AKT3: variants seen among roughly 807,000 people sequenced by gnomAD.
AKT3 encodes AKT serine/threonine kinase 3.
Under a neutral mutation model 65.3 loss-of-function variants are expected in AKT3, and 15 were observed. That is an observed-to-expected ratio of 0.23 (90% CI 0.15 to 0.35). The LOEUF (loss-of-function observed/expected upper bound fraction) is 0.35. Among genes scored for constraint, AKT3 ranks in the 10% least tolerant of loss-of-function variants. The pLI, the probability that AKT3 is intolerant of heterozygous loss-of-function variation, is 1.00. For missense variants in AKT3, 243 were observed against 576.5 expected (o/e 0.42, Z 5.92); for synonymous variants, 206 against 183.8 (o/e 1.12, Z -0.98).
chr1:243,584,230 C>T lies in AKT3; in HGVS notation c.697-11182G>A, dbSNP rs1449974779. Reference sequence around the variant, plus strand: ...AAATCTAGAGGAAATGGATAAATTCCTGGAAACACACAATTTACCAAGACT... The same window carrying T: ...AAATCTAGAGGAAATGGATAAATTCTTGGAAACACACAATTTACCAAGACT... On this transcript the variant is annotated intron_variant, in intron 8 of 13. Coordinates refer to ENST00000673466, the MANE Select transcript of AKT3 (RefSeq NM_005465.7). 2.0e-5 allele frequency among the ~76,000 whole-genome samples: 3 copies of T among 152,026 alleles called. No individual in the cohort carries two copies. In the East Asian group the frequency reaches 5.8e-4, roughly 29 times the overall value.
chr1:243,803,429 G>A (rs1358006031), intron 2 of AKT3, among the ~76,000 whole-genome samples: 1 of 151,968 alleles, frequency 6.6e-6, no homozygotes, highest in African/African-American at 2.4e-5. Context: ...TCATTTTTGT[G>A]AAGGACTTAA....
intron 2 of AKT3, among the ~76,000 whole-genome samples, chr1:243,780,850 C>T (rs1690864015): frequency 6.6e-6 from 1 of 151,684 alleles, no homozygotes; most frequent in African/African-American, 2.4e-5. Context: ...AATCCTTCCA[C>T]TGAGTGAAAA....
At chr1:243,615,836 T>A (rs1021771494) in intron 6 of AKT3, among the ~76,000 whole-genome samples, 1 of 151,968 alleles carries the variant, frequency 6.6e-6, no homozygotes, top group Non-Finnish European at 1.5e-5. Flanking sequence ...GACTCAAGCA[T>A]TACTCCTGCC....
At chr1:243,824,584 T>A (rs1039328101) in intron 2 of AKT3, among the ~76,000 whole-genome samples, 1 of 151,540 alleles carries the variant, frequency 6.6e-6, no homozygotes, top group Non-Finnish European at 1.5e-5. Context: ...CATTCGAAAG[T>A]GGGCAAAGAA....
intron 2 of AKT3, among the ~76,000 whole-genome samples, chr1:243,696,836 G>T (rs1685093131): frequency 6.6e-6 from 1 of 151,892 alleles, no homozygotes; most frequent in Non-Finnish European, 1.5e-5. Flanking sequence ...CCATCCTAAT[G>T]TATCTATCAC....
intron 1 of AKT3, chr1:243,843,627 G>T: frequency 5.6e-6 from 5 of 897,896 alleles, no homozygotes; most frequent in Non-Finnish European, 6.7e-6. Context: ...CTAAATCCCT[G>T]TAATTTCAGA....
chr1:243,678,752 GTC>G (rs1487832133), intron 3 of AKT3, among the ~76,000 whole-genome samples: 1 of 152,082 alleles, frequency 6.6e-6, no homozygotes, highest in African/African-American at 2.4e-5. Context: ...CTAAATTCAT[GTC>G]TCTTTTTGTA....
In AKT3 at chr1:243,595,040, C is replaced by G. The variant is rs889432119; in HGVS notation, c.696+18631G>C. ...ACTTAAAAAGTTTTAGAAGAAAATA[C>G]AGTCATGCACTGCTTAATGATGGGG... On this transcript the variant is annotated intron_variant, in intron 8 of 13. Coordinates refer to ENST00000673466, the MANE Select transcript of AKT3 (RefSeq NM_005465.7). 2.0e-5 allele frequency among the ~76,000 whole-genome samples: 3 copies of G among 152,268 alleles called. No individual in the cohort carries two copies. The East Asian group carries it at 5.8e-4, about 29-fold the overall frequency.
At chr1:243,690,132 G>C (rs1339154756) in intron 3 of AKT3, among the ~76,000 whole-genome samples, 7 of 152,024 alleles carry the variant, frequency 4.6e-5, no homozygotes. Context: ...TCTAGGAGAG[G>C]CTTCTTAGGA....
At chr1:243,804,907 C>A (rs73117446) in intron 2 of AKT3, among the ~76,000 whole-genome samples, 7,586 of 151,680 alleles carry the variant, frequency 0.05, 641 homozygotes, top group African/African-American at 0.17. Context: ...TCATGCTGTA[C>A]AATAACTGCA....
intron 2 of AKT3, among the ~76,000 whole-genome samples, chr1:243,823,347 T>C (rs1693973230): frequency 6.6e-6 from 1 of 152,110 alleles, no homozygotes; most frequent in Non-Finnish European, 1.5e-5. Context: ...TGGAAACATT[T>C]CCCTTGAAAA....
rs189059582 is a variant in AKT3, at chr1:243,770,058, A to G, written c.46+73067T>C. Among the ~76,000 whole-genome samples the G allele has an allele frequency of 8.3e-4, 127 of 152,298 alleles. 2 individuals are homozygous for G. Among genetic ancestry groups the G allele is most frequent in the African/African-American group, 3.0e-3 (124 of 41,568 alleles). Reference sequence around the variant, plus strand: ...CGGGTTGTCCCATCATCATTTCTTGAAGACTATTCTTCCACACTGAATCGC... The same window carrying G: ...CGGGTTGTCCCATCATCATTTCTTGGAGACTATTCTTCCACACTGAATCGC... On this transcript the variant is annotated intron_variant, in intron 2 of 13. Coordinates refer to ENST00000673466, the MANE Select transcript of AKT3 (RefSeq NM_005465.7).
At chr1:243,640,856 G>A (rs10754807) in intron 5 of AKT3, among the ~76,000 whole-genome samples, 38,859 of 151,962 alleles carry the variant, frequency 0.26, 5,815 homozygotes, top group African/African-American at 0.41. Flanking sequence ...GTTCCACAGC[G>A]TGAGGGTTAA....
intron 4 of AKT3, among the ~76,000 whole-genome samples, chr1:243,653,980 T>G (rs1681570149): frequency 6.6e-6 from 1 of 152,156 alleles, no homozygotes; most frequent in Non-Finnish European, 1.5e-5. Flanking sequence ...TTTTCAGAAT[T>G]CCATTTTAAT....
chr1:243,797,168 T>C (rs1052648051), intron 2 of AKT3, among the ~76,000 whole-genome samples: 6 of 152,064 alleles, frequency 3.9e-5, no homozygotes, highest in Admixed American at 2.6e-4. Flanking sequence ...AAAAATACTT[T>C]TTTAAAAAAA....
intron 9 of AKT3, among the ~76,000 whole-genome samples, chr1:243,570,615 AAGG>A (rs1212195617): frequency 6.6e-6 from 1 of 152,210 alleles, no homozygotes; most frequent in African/African-American, 2.4e-5. Context: ...TCTAGGTTTG[AAGG>A]AGATCACCTA....
chr1:243,844,800 G>T (rs775902806), intron 1 of AKT3, among the ~76,000 whole-genome samples: 3 of 152,134 alleles, frequency 2.0e-5, no homozygotes, highest in Non-Finnish European at 2.9e-5. Context: ...ATGTATGCGG[G>T]AAAGTCCTCA....
chr1:243,620,502 G>A (rs1010548933), intron 6 of AKT3, among the ~76,000 whole-genome samples: 18 of 101,974 alleles, frequency 1.8e-4, no homozygotes, highest in Non-Finnish European at 4.4e-4. Context: ...GTCTCAACAA[G>A]CCATATGTTA....
intron 2 of AKT3, among the ~76,000 whole-genome samples, chr1:243,772,426 A>G (rs534543658): frequency 1.3e-5 from 2 of 152,250 alleles, no homozygotes; most frequent in Admixed American, 6.5e-5. Context: ...GCCAAAAGAC[A>G]TATGAAAAAA....
Sources: allele counts gnomAD v4.1 joint callset (sites outside exome capture counted in the v4.1 genomes callset), GRCh38; gene constraint gnomAD v4.1.1; transcripts MANE v1.5; gene names NCBI Gene and HGNC (gene_info 2026-07-23, HGNC 2026-07-21).